CACNA2D3: variants seen among roughly 807,000 people sequenced by gnomAD.
CACNA2D3 encodes the protein voltage-dependent calcium channel subunit alpha-2/delta-3.
In CACNA2D3, 60 loss-of-function variants were observed where a neutral mutation model predicts 160.6. The observed-to-expected ratio is 0.37, with a 90% CI of 0.30 to 0.46. The LOEUF (loss-of-function observed/expected upper bound fraction) is 0.46. Ranked by LOEUF, CACNA2D3 falls within the 20% of genes least tolerant of loss-of-function variation. The pLI, the probability that CACNA2D3 is intolerant of heterozygous loss-of-function variation, is 1.00. For synonymous variants in CACNA2D3, 558 were observed against 492.9 expected, an observed-to-expected ratio of 1.13 and a Z score of -1.75; for missense variants, 1,205 against 1,365.0, an observed-to-expected ratio of 0.88 and a Z score of 1.85.
intron 4 of CACNA2D3, among the ~76,000 whole-genome samples, chr3:54,412,202 A>G (rs1477313687): frequency 6.6e-6 from 1 of 152,146 alleles, no homozygotes; most frequent in Non-Finnish European, 1.5e-5. Flanking sequence ...AACATTGGAT[A>G]CTGTACATTT....
At chr3:54,609,405 G>C (rs1373657388) in intron 9 of CACNA2D3, among the ~76,000 whole-genome samples, 1 of 152,198 alleles carries the variant, frequency 6.6e-6, no homozygotes, top group African/African-American at 2.4e-5. Context: ...GGGAAACTCA[G>C]ATAGACTCTA....
At chr3:55,004,728 A>G (rs1293068060) in intron 31 of CACNA2D3, 35 bp from the exon 32 acceptor site, 4 of 1,464,842 alleles carry the variant, frequency 2.7e-6, no homozygotes, top group Non-Finnish European at 3.8e-6. Flanking sequence ...GTGTTTTCTC[A>G]TTTAGTGAAG....
rs555523909 is a variant in CACNA2D3, at chr3:54,942,381, A to G, written c.2450-26069A>G. On this transcript the variant is annotated intron_variant, in intron 27 of 37. Coordinates refer to ENST00000474759, the MANE Select transcript of CACNA2D3 (RefSeq NM_018398.3). ...CCCTCCCACAGTGGCAGCAGCCTCC[A>G]CGAGAGCATGCACACCTTCTGATTT... 5.3e-5 allele frequency among the ~76,000 whole-genome samples: 8 copies of G among 152,298 alleles called. No homozygotes were observed. In the East Asian group the frequency reaches 1.5e-3, roughly 29 times the overall value.
chr3:54,603,251 GC>G (rs775770102), intron 9 of CACNA2D3, among the ~76,000 whole-genome samples: 33 of 152,294 alleles, frequency 2.2e-4, no homozygotes, highest in Middle Eastern at 3.4e-3. Context: ...AAGAAGCGCT[GC>G]CCCCCACCAC....
At chr3:54,343,285 A>AT (rs1300887578) in intron 3 of CACNA2D3, among the ~76,000 whole-genome samples, 1 of 151,552 alleles carries the variant, frequency 6.6e-6, no homozygotes, top group Non-Finnish European at 1.5e-5. Context: ...GAGAGTTGGA[A>AT]TTTTCTTTTT....
At chr3:54,307,867 C>T (rs537164885) in intron 2 of CACNA2D3, among the ~76,000 whole-genome samples, 3 of 152,292 alleles carry the variant, frequency 2.0e-5, no homozygotes, top group East Asian at 1.9e-4. Context: ...CAACTAATAT[C>T]GTGTGCTAGA....
chr3:54,350,983 TTTG>T (rs1455532119), intron 3 of CACNA2D3, among the ~76,000 whole-genome samples: 803 of 38,794 alleles, frequency 0.021, 180 homozygotes, highest in African/African-American at 0.056. Context: ...TTTTTTTTTG[TTTG>T]TTTTTTTTTT....
intron 2 of CACNA2D3, among the ~76,000 whole-genome samples, chr3:54,307,324 T>C (rs1703635640): frequency 1.3e-5 from 2 of 152,294 alleles, no homozygotes; most frequent in South Asian, 4.1e-4. Flanking sequence ...TGTATAAGAA[T>C]ACCCTCATTT....
At chr3:54,707,098 G>C (rs1700870242) in intron 11 of CACNA2D3, among the ~76,000 whole-genome samples, 1 of 152,202 alleles carries the variant, frequency 6.6e-6, no homozygotes, top group Admixed American at 6.5e-5. Context: ...GCAAGTGAAA[G>C]AAGGCAAGAG....
At chr3:54,649,398 G>T (rs1428037216) in intron 11 of CACNA2D3, among the ~76,000 whole-genome samples, 1 of 152,218 alleles carries the variant, frequency 6.6e-6, no homozygotes, top group African/African-American at 2.4e-5. Context: ...CAAACACCCT[G>T]GAGAGAAATT....
At chr3:54,522,156 G>C (rs192336750) in intron 5 of CACNA2D3, among the ~76,000 whole-genome samples, 318 of 152,094 alleles carry the variant, frequency 2.1e-3, no homozygotes, top group Non-Finnish European at 2.1e-3. Context: ...ACAATGTTAA[G>C]ATTTTAAATC....
At chr3:54,902,256 A>G (rs1351417807) in intron 27 of CACNA2D3, among the ~76,000 whole-genome samples, 1 of 152,150 alleles carries the variant, frequency 6.6e-6, no homozygotes, top group Non-Finnish European at 1.5e-5. Flanking sequence ...TCTCATGTTC[A>G]TTGGCTATAT....
intron 35 of CACNA2D3, among the ~76,000 whole-genome samples, chr3:55,038,750 C>CTAATAATT (rs1240468459): frequency 6.6e-6 from 1 of 151,548 alleles, no homozygotes; most frequent in Non-Finnish European, 1.5e-5. Context: ...GGCACTCAGG[C>CTAATAATT]TAATAATTTC....
rs543686217 is a variant in CACNA2D3, at chr3:54,620,756, G to T, written c.964-7031G>T. ...AGCTGGGCCCTGGGCGCTGTGAAGG[G>T]GCCCTATTGCACAGGGACTCAGCAC... On this transcript the variant is annotated intron_variant, in intron 9 of 37. Coordinates refer to ENST00000474759, the MANE Select transcript of CACNA2D3 (RefSeq NM_018398.3). Among the ~76,000 whole-genome samples, 6 of 152,272 alleles carry T rather than the reference G, an allele frequency of 3.9e-5. No homozygotes were observed. The East Asian group carries it at 1.2e-3, about 29-fold the overall frequency.
chr3:54,224,680 G>A (rs1157180663), intron 2 of CACNA2D3, among the ~76,000 whole-genome samples: 2 of 152,172 alleles, frequency 1.3e-5, no homozygotes, highest in South Asian at 2.1e-4. Context: ...CTTGTCTTTC[G>A]TGTTGTCATG....
intron 21 of CACNA2D3, among the ~76,000 whole-genome samples, chr3:54,883,646 G>A (rs973154336): frequency 2.0e-5 from 3 of 152,092 alleles, no homozygotes; most frequent in African/African-American, 7.2e-5. Flanking sequence ...TCTAAACCCA[G>A]TTTTCTGGGA....
At chr3:54,190,938 CA>C (rs1473466806) in intron 2 of CACNA2D3, among the ~76,000 whole-genome samples, 23 of 145,876 alleles carry the variant, frequency 1.6e-4, no homozygotes, top group African/African-American at 5.1e-4. Flanking sequence ...TGTCTGGAAA[CA>C]AAAAAAGGAC....
intron 11 of CACNA2D3, among the ~76,000 whole-genome samples, chr3:54,694,873 TCATAGGGAATG>T (rs1440979436): frequency 2.6e-5 from 4 of 152,234 alleles, no homozygotes; most frequent in African/African-American, 9.6e-5. Flanking sequence ...TGAATGCATC[TCATAGGGAATG>T]CATAGTTAAA....
chr3:54,636,180 C>T (rs1295918512), intron 10 of CACNA2D3, among the ~76,000 whole-genome samples: 3 of 151,884 alleles, frequency 2.0e-5, no homozygotes, highest in Admixed American at 1.3e-4. Flanking sequence ...GTGGCTAGTA[C>T]TATAGCATAG....
Sources: gnomAD v4.1 joint callset for allele counts (sites outside exome capture counted in the v4.1 genomes callset) on GRCh38, gnomAD v4.1.1 for gene constraint, MANE v1.5 for transcripts, NCBI Gene and HGNC (gene_info 2026-07-23, HGNC 2026-07-21) for gene names.